The following EXOC4 variants were observed in gnomAD, a reference collection of about 807,000 sequenced individuals.
The protein encoded by EXOC4 is SEC8-like 1.
EXOC4 carries 71 observed loss-of-function variants against 107.2 expected under a neutral mutation model. The ratio of observed to expected loss-of-function variants is 0.66; its 90% confidence interval spans 0.55 to 0.81. The LOEUF (loss-of-function observed/expected upper bound fraction) is 0.81, where lower values mean the gene tolerates loss of function less well. Ranked by LOEUF, EXOC4 falls within the 30% of genes least tolerant of loss-of-function variation. The probability of loss-of-function intolerance (pLI) is 0.00; values close to 1 mark genes in which losing one functional copy is unlikely to be tolerated. For synonymous variants in EXOC4, 456 were observed against 441.2 expected (o/e 1.03, Z -0.42); for missense variants, 1,108 against 1,189.6 (o/e 0.93, Z 1.01).
At chr7:133,300,304 A>G (rs535360056) in intron 3 of EXOC4, among the ~76,000 whole-genome samples, 14 of 152,316 alleles carry the variant, frequency 9.2e-5, no homozygotes, top group Non-Finnish European at 1.6e-4. Flanking sequence ...CAGACTGTCA[A>G]TAACCCTGCA....
intron 16 of EXOC4, among the ~76,000 whole-genome samples, chr7:134,007,267 A>G (rs562834927): frequency 4.6e-5 from 7 of 152,256 alleles, no homozygotes; most frequent in Middle Eastern, 3.4e-3. Context: ...ACTTTGTAGG[A>G]GGAAGGAGAG....
intron 11 of EXOC4, among the ~76,000 whole-genome samples, chr7:133,876,483 G>A (rs1053372329): frequency 2.0e-5 from 3 of 151,896 alleles, no homozygotes; most frequent in African/African-American, 4.8e-5. Context: ...CTTTTATCAC[G>A]CTTACTCATC....
chr7:133,458,557 C>T (rs751795146), intron 7 of EXOC4, among the ~76,000 whole-genome samples: 1 of 152,106 alleles, frequency 6.6e-6, no homozygotes, highest in Non-Finnish European at 1.5e-5. Context: ...TTAGATTACT[C>T]CTCAGGTGGA....
Position 133,632,984 on chromosome 7 carries a change from A to T in EXOC4, c.1514+2843A>T, listed in dbSNP as rs572179832. On this transcript the variant is annotated intron_variant, in intron 10 of 17. Transcript: ENST00000253861. ...CAGGATTGCAAATTTCAAATGAAAAACATGACAAATAATCTTGGTTCAGGA... is the reference window on the plus strand; with the variant it reads ...CAGGATTGCAAATTTCAAATGAAAATCATGACAAATAATCTTGGTTCAGGA... 5.9e-5 allele frequency among the ~76,000 whole-genome samples: 9 copies of T among 152,356 alleles called. No individual in the cohort carries two copies. The East Asian group carries it at 1.7e-3, about 29-fold the overall frequency.
chr7:133,983,479 C>T (rs534232569), intron 14 of EXOC4, among the ~76,000 whole-genome samples: 1 of 152,276 alleles, frequency 6.6e-6, no homozygotes, highest in Non-Finnish European at 1.5e-5. Flanking sequence ...TTTCCGCTTA[C>T]TTGCTGTGTC....
intron 9 of EXOC4, among the ~76,000 whole-genome samples, chr7:133,614,740 A>G (rs1802148407): frequency 7.2e-6 from 1 of 139,646 alleles, no homozygotes; most frequent in Admixed American, 7.6e-5. Context: ...GCTTTTGAGG[A>G]TTTACAAGAG....
chr7:133,586,918 C>T (rs1585015273), intron 9 of EXOC4, among the ~76,000 whole-genome samples: 1 of 152,238 alleles, frequency 6.6e-6, no homozygotes, highest in East Asian at 1.9e-4. Context: ...GCAACCTCTG[C>T]CTCCCGGGTT....
intron 11 of EXOC4, among the ~76,000 whole-genome samples, chr7:133,840,906 A>AT (rs1203680340): frequency 6.6e-6 from 1 of 152,130 alleles, no homozygotes; most frequent in African/African-American, 2.4e-5. Flanking sequence ...AATAAAAGAG[A>AT]TTTTTTAAAA....
At chr7:133,253,307 G>C in intron 1 of EXOC4, 120 bp downstream of exon 1, 1 of 1,439,540 alleles carries the variant, frequency 6.9e-7, no homozygotes, top group Non-Finnish European at 9.2e-7. Flanking sequence ...GCCTCCCGCA[G>C]CCCCTCCCCA....
At chr7:133,990,211 A>G (rs1044484334) in intron 14 of EXOC4, among the ~76,000 whole-genome samples, 2 of 152,092 alleles carry the variant, frequency 1.3e-5, no homozygotes, top group Admixed American at 6.5e-5. Context: ...GGTACTGTCA[A>G]ATACTAGAAC....
intron 10 of EXOC4, among the ~76,000 whole-genome samples, chr7:133,701,132 A>G (rs1794647263): frequency 6.6e-6 from 1 of 152,234 alleles, no homozygotes; most frequent in Non-Finnish European, 1.5e-5. Context: ...AAAAACATCT[A>G]TGAAGTCTTA....
intron 9 of EXOC4, among the ~76,000 whole-genome samples, chr7:133,597,610 G>C (rs1156306207): frequency 3.3e-5 from 5 of 150,138 alleles, no homozygotes; most frequent in Non-Finnish European, 7.4e-5. Flanking sequence ...TGGAAAGTTA[G>C]GCTTCTTCTA....
At chr7:133,425,452 A>C (rs538100403) in intron 7 of EXOC4, among the ~76,000 whole-genome samples, 41 of 151,872 alleles carry the variant, frequency 2.7e-4, no homozygotes, top group Admixed American at 1.1e-3. Context: ...ACGTCTGGCT[A>C]ATTTTTTGTG....
chr7:133,932,445 G>A (rs1446281384), intron 13 of EXOC4, among the ~76,000 whole-genome samples: 1 of 152,080 alleles, frequency 6.6e-6, no homozygotes, highest in Non-Finnish European at 1.5e-5. Context: ...TGTTATTTTA[G>A]AAATTTGAAA....
intron 7 of EXOC4, among the ~76,000 whole-genome samples, chr7:133,393,256 T>G (rs1181133954): frequency 2.0e-5 from 3 of 152,156 alleles, no homozygotes; most frequent in South Asian, 2.1e-4. Context: ...TCCACATCTT[T>G]CCTTTTTAAT....
At chr7:133,741,929 C>A (rs560430548) in intron 10 of EXOC4, among the ~76,000 whole-genome samples, 41 of 152,134 alleles carry the variant, frequency 2.7e-4, no homozygotes, top group Non-Finnish European at 5.3e-4. Flanking sequence ...ATTACAGTGC[C>A]CTCAGGGACT....
intron 12 of EXOC4, among the ~76,000 whole-genome samples, chr7:133,917,039 T>G (rs1249952106): frequency 1.3e-5 from 2 of 152,188 alleles, no homozygotes; most frequent in Non-Finnish European, 2.9e-5. Flanking sequence ...CAAAGGCTTT[T>G]TCTGCCTGAC....
At chr7:133,686,090 G>A (rs1337622180) in intron 10 of EXOC4, among the ~76,000 whole-genome samples, 1 of 152,090 alleles carries the variant, frequency 6.6e-6, no homozygotes, top group Non-Finnish European at 1.5e-5. Flanking sequence ...GGGACTGGTG[G>A]CTGTGTAACC....
intron 13 of EXOC4, among the ~76,000 whole-genome samples, chr7:133,933,805 A>G (rs1296255175): frequency 3.9e-5 from 6 of 152,118 alleles, no homozygotes; most frequent in African/African-American, 1.4e-4. Flanking sequence ...CTCCAGTTTT[A>G]TGTGCTGGGA....
Sources: gnomAD v4.1 joint callset for allele counts (sites outside exome capture counted in the v4.1 genomes callset) on GRCh38, gnomAD v4.1.1 for gene constraint, MANE v1.5 for transcripts, NCBI Gene and HGNC (gene_info 2026-07-23, HGNC 2026-07-21) for gene names.